Variants in GLG1 observed in about 807,000 individuals in gnomAD.
GLG1 encodes golgi glycoprotein 1.
In GLG1, 38 loss-of-function variants were observed where a neutral mutation model predicts 160.5. That is an observed-to-expected ratio of 0.24 (90% CI 0.18 to 0.31). The LOEUF (loss-of-function observed/expected upper bound fraction) is 0.31, where lower values mean the gene tolerates loss of function less well. GLG1 is among the 10% of genes least tolerant of loss of function. The probability of loss-of-function intolerance (pLI) is 1.00; values close to 1 mark genes in which losing one functional copy is unlikely to be tolerated. For synonymous variants in GLG1, 644 were observed against 543.4 expected (o/e 1.19, Z -2.57); for missense variants, 1,373 against 1,505.2 (o/e 0.91, Z 1.45).
intron 1 of GLG1, among the ~76,000 whole-genome samples, chr16:74,600,731 C>CAAAAAA (rs56122377): frequency 8.9e-6 from 1 of 112,602 alleles, no homozygotes; most frequent in Non-Finnish European, 1.8e-5. Context: ...GATTCCACCT[C>CAAAAAA]AAAAAAAAAA....
At chr16:74,593,030 C>T (rs1958219368) in intron 1 of GLG1, among the ~76,000 whole-genome samples, 1 of 152,154 alleles carries the variant, frequency 6.6e-6, no homozygotes, top group Non-Finnish European at 1.5e-5. Context: ...TGCAAGCCCG[C>T]CCTCCCTCTT....
intron 12 of GLG1, among the ~76,000 whole-genome samples, chr16:74,476,960 C>T (rs1395860420): frequency 1.3e-5 from 2 of 151,852 alleles, no homozygotes; most frequent in Non-Finnish European, 1.5e-5. Context: ...CTCAAAAGGA[C>T]TTAATGGAGA....
At chr16:74,466,132 T>TG (rs1213424546) in intron 18 of GLG1, among the ~76,000 whole-genome samples, 1 of 152,186 alleles carries the variant, frequency 6.6e-6, no homozygotes, top group African/African-American at 2.4e-5. Flanking sequence ...ATAGGCTCTC[T>TG]GCATTTTCCC....
At position 74,491,168 on chromosome 16, in the gene GLG1, G is replaced by T. The variant is rs2015968816; in HGVS notation, c.1282C>A (p.Arg428Ser). Residue 428 changes from arginine to serine, a missense_variant, in exon 8 of 26, where the codon CGC becomes AGC. Physicochemically the swap from Arg to Ser is moderately radical, Grantham distance 110 (BLOSUM62 -1). Coordinates refer to ENST00000422840, the MANE Select transcript of GLG1 (RefSeq NM_001145667.2). ...ECQGEMLDYR[R>S]MLMEDFSLSP... ...AGAGAAAAGTCTTCCATCAACATGC[G>T]TCGGTAATCCAGCATCTCCCCCTGG... 6.2e-7 allele frequency: 1 copy of T among 1,613,926 alleles called. No individual in the cohort carries two copies. The highest frequency in any genetic ancestry group is 8.5e-7 in the Non-Finnish European group (1 of 1,179,970).
At chr16:74,524,849 A>T (rs2017286294) in intron 2 of GLG1, among the ~76,000 whole-genome samples, 2 of 152,180 alleles carry the variant, frequency 1.3e-5, no homozygotes, top group African/African-American at 4.8e-5. Context: ...CTCTGTATCT[A>T]TTAGCAGTCA....
chr16:74,505,536 A>T (rs1395277266), intron 3 of GLG1, among the ~76,000 whole-genome samples: 1 of 152,212 alleles, frequency 6.6e-6, no homozygotes, highest in Non-Finnish European at 1.5e-5. Context: ...CCTCGCCAAC[A>T]TGGCGAAACC....
intron 23 of GLG1, 22 bp downstream of exon 23, chr16:74,459,660 A>G: frequency 8.6e-7 from 1 of 1,162,944 alleles, no homozygotes; most frequent in Non-Finnish European, 1.3e-6. Context: ...TGAAGTGAGG[A>G]AAAGAAGGTG....
At position 74,516,165 on chromosome 16, in the gene GLG1, G is replaced by A. The variant is rs572465771; in HGVS notation, c.472-7240C>T. Among the ~76,000 whole-genome samples the A allele has an allele frequency of 4.3e-4, 65 of 151,652 alleles. 1 individual carries two copies. Among genetic ancestry groups the A allele is most frequent in the African/African-American group, 1.5e-3 (61 of 41,010 alleles). ...GATCAACGAGACAGAAAGTTAAGAAGGATATCCAGGAATTGAACTCAGCTC... is the reference window on the plus strand; with the variant it reads ...GATCAACGAGACAGAAAGTTAAGAAAGATATCCAGGAATTGAACTCAGCTC... On this transcript the variant is annotated intron_variant, in intron 2 of 25. Coordinates refer to ENST00000422840, the MANE Select transcript of GLG1 (RefSeq NM_001145667.2).
intron 1 of GLG1, among the ~76,000 whole-genome samples, chr16:74,557,657 G>C (rs1305418966): frequency 6.6e-6 from 1 of 152,218 alleles, no homozygotes; most frequent in Non-Finnish European, 1.5e-5. Context: ...TAAAGAACAT[G>C]GTCAGAAGAC....
intron 4 of GLG1, among the ~76,000 whole-genome samples, chr16:74,497,432 T>G (rs752905111): frequency 9.0e-4 from 133 of 148,036 alleles, no homozygotes; most frequent in Non-Finnish European, 1.6e-3. Flanking sequence ...TAACAGTGCT[T>G]GCTTTTTTTT....
intron 1 of GLG1, among the ~76,000 whole-genome samples, chr16:74,535,327 A>C (rs2017659458): frequency 6.6e-6 from 1 of 152,400 alleles, no homozygotes; most frequent in East Asian, 1.9e-4. Flanking sequence ...GAAATGACAT[A>C]ATCCATGGAG....
At chr16:74,520,620 G>C (rs2017132114) in intron 2 of GLG1, among the ~76,000 whole-genome samples, 1 of 152,118 alleles carries the variant, frequency 6.6e-6, no homozygotes, top group Non-Finnish European at 1.5e-5. Flanking sequence ...CGGACAACAA[G>C]AGCGAAACTC....
chr16:74,568,865 T>C (rs2018736619), intron 1 of GLG1, among the ~76,000 whole-genome samples: 1 of 152,112 alleles, frequency 6.6e-6, no homozygotes, highest in Admixed American at 6.6e-5. Flanking sequence ...TATAAACAAC[T>C]AAAAGTGTTG....
intron 2 of GLG1, among the ~76,000 whole-genome samples, chr16:74,516,764 C>A (rs1486138932): frequency 6.6e-6 from 1 of 152,060 alleles, no homozygotes; most frequent in Non-Finnish European, 1.5e-5. Flanking sequence ...CCAATGAATC[C>A]AGGAGCTGTT....
chr16:74,515,463 A>G (rs1027557130), intron 2 of GLG1, among the ~76,000 whole-genome samples: 1 of 152,214 alleles, frequency 6.6e-6, no homozygotes, highest in African/African-American at 2.4e-5. Flanking sequence ...ACCACAGTGC[A>G]ATCAAAGTAG....
intron 2 of GLG1, among the ~76,000 whole-genome samples, chr16:74,527,386 A>T (rs1373264707): frequency 1.3e-5 from 2 of 150,412 alleles, no homozygotes; most frequent in African/African-American, 2.5e-5. Context: ...AGTAGCTGGG[A>T]TTACTGGTGT....
rs575027184 is a variant in GLG1 at position 74,502,850 on chromosome 16, A to G, written c.774+681T>C. The stretch of plus-strand genomic sequence containing the variant: ...CTCCCAAAGTGTTGGGATTACAGGC[A>G]TGAGCCACCGCGCCCGGCCAGTAAT... On this transcript the variant is annotated intron_variant, in intron 4 of 25. Coordinates refer to ENST00000422840, the MANE Select transcript of GLG1 (RefSeq NM_001145667.2). Among the ~76,000 whole-genome samples, 26 of 148,578 alleles carry G rather than the reference A, an allele frequency of 1.7e-4. No homozygotes were observed. The East Asian group carries it at 4.3e-3, about 25-fold the overall frequency.
At chr16:74,551,468 C>CTTT (rs1408606146) in intron 1 of GLG1, among the ~76,000 whole-genome samples, 28 of 37,788 alleles carry the variant, frequency 7.4e-4, no homozygotes, top group African/African-American at 2.1e-3. Context: ...CCATGTCTGG[C>CTTT]TATTTTTTTT....
chr16:74,531,181 G>A (rs1485136279), intron 2 of GLG1, among the ~76,000 whole-genome samples: 1 of 152,054 alleles, frequency 6.6e-6, no homozygotes, highest in Non-Finnish European at 1.5e-5. Flanking sequence ...GTTTTCGTAA[G>A]AGTAAGTAGT....
Sources: allele counts gnomAD v4.1 joint callset (sites outside exome capture counted in the v4.1 genomes callset), GRCh38; gene constraint gnomAD v4.1.1; transcripts MANE v1.5; gene names NCBI Gene and HGNC (gene_info 2026-07-23, HGNC 2026-07-21).